The following CFAP54 variants were observed in gnomAD, a reference collection of about 807,000 sequenced individuals.
The protein encoded by CFAP54 is cilia and flagella associated protein 54.
Under a neutral mutation model 370.4 loss-of-function variants are expected in CFAP54, and 290 were observed. The ratio of observed to expected loss-of-function variants is 0.78; its 90% CI spans 0.71 to 0.86. The LOEUF (loss-of-function observed/expected upper bound fraction) is 0.86. Ranked by LOEUF, CFAP54 falls within the 40% of genes least tolerant of loss-of-function variation. CFAP54 has a pLI of 0.00. For missense variants in CFAP54, 3,399 were observed against 3,528.7 expected (o/e 0.96, Z 0.93); for synonymous variants, 1,206 against 1,236.5 (o/e 0.98, Z 0.52).
chr12:96,657,849 T>G, intron 36 of CFAP54, 33 bp from the exon 37 acceptor site: 1 of 1,344,296 alleles, frequency 7.4e-7, no homozygotes, highest in Non-Finnish European at 9.9e-7. Flanking sequence ...AATCTGAAAT[T>G]ACACATTTTT....
intron 23 of CFAP54, among the ~76,000 whole-genome samples, chr12:96,592,012 T>C (rs11830071): frequency 0.015 from 2,208 of 152,144 alleles, 65 homozygotes; most frequent in African/African-American, 0.051. Context: ...CGAACATGAA[T>C]TTGTACTGAA....
intron 66 of CFAP54, among the ~76,000 whole-genome samples, chr12:96,843,866 T>C (rs1276438710): frequency 6.6e-6 from 1 of 152,192 alleles, no homozygotes; most frequent in African/African-American, 2.4e-5. Context: ...CTGGAGTAGC[T>C]GTCAGAATTT....
chr12:96,685,836 G>A (rs1009398320), intron 42 of CFAP54, among the ~76,000 whole-genome samples: 1 of 152,198 alleles, frequency 6.6e-6, no homozygotes, highest in Non-Finnish European at 1.5e-5. Context: ...ACAGGCATGA[G>A]CCACGGCGTC....
chr12:96,529,448 G>T (rs756458134), intron 9 of CFAP54, among the ~76,000 whole-genome samples: 4 of 151,806 alleles, frequency 2.6e-5, no homozygotes, highest in Non-Finnish European at 4.4e-5. Context: ...TTACAAAGTG[G>T]TTTTTTTTAG....
In CFAP54 at chr12:96,524,858, T is replaced by C. The variant is rs184224108; in HGVS notation, c.1159-2388T>C. On this transcript the variant is annotated intron_variant, in intron 8 of 67. Coordinates refer to ENST00000524981, the MANE Select transcript of CFAP54 (RefSeq NM_001306084.2). ...AAGATAATATATCCTATGCAGTATA[T>C]GTGTCATAATTTGTCTAATATTTTA... Among the ~76,000 whole-genome samples, 4 of 152,354 alleles carry C rather than the reference T, an allele frequency of 2.6e-5. No individual in the cohort carries two copies. In the East Asian group the frequency reaches 7.7e-4, roughly 29 times the overall value.
intron 18 of CFAP54, 37 bp downstream of exon 18, chr12:96,564,591 T>A: frequency 1.5e-6 from 1 of 670,158 alleles, no homozygotes; most frequent in Non-Finnish European, 2.7e-6. Context: ...TTCCAAAAAA[T>A]TTGGAAGATA....
chr12:96,527,132 A>T (rs1482984389), intron 8 of CFAP54, 114 bp from the exon 9 acceptor site: 2 of 926,408 alleles, frequency 2.2e-6, no homozygotes, highest in Non-Finnish European at 3.0e-6. Context: ...CCTTGGGTCA[A>T]GCAATCCTCC....
chr12:96,506,152 A>T (rs1955097985), intron 3 of CFAP54, among the ~76,000 whole-genome samples: 2 of 152,100 alleles, frequency 1.3e-5, no homozygotes, highest in Admixed American at 6.5e-5. Context: ...ATCCTGGCTA[A>T]CACGGTGAAA....
At chr12:96,555,617 G>T (rs1221232639) in intron 17 of CFAP54, among the ~76,000 whole-genome samples, 1 of 149,458 alleles carries the variant, frequency 6.7e-6, no homozygotes, top group Non-Finnish European at 1.5e-5. Flanking sequence ...TACAACAGCA[G>T]TTAGCAAATA....
intron 39 of CFAP54, among the ~76,000 whole-genome samples, chr12:96,664,707 A>C (rs377089463): frequency 0.097 from 1,105 of 11,352 alleles, 141 homozygotes; most frequent in Middle Eastern, 0.23. Flanking sequence ...CTATATATAT[A>C]TATATATCTA....
chr12:96,609,928 T>C lies in CFAP54; in HGVS notation c.3639+11161T>C, dbSNP rs548428151. On this transcript the variant is annotated intron_variant, in intron 26 of 67. Coordinates refer to ENST00000524981, the MANE Select transcript of CFAP54 (RefSeq NM_001306084.2). The stretch of plus-strand genomic sequence containing the variant: ...AGGTCACACCAAGTTCCTGAACAGG[T>C]AGACTTATTGTCACAGAAGTGCAGA... Among the ~76,000 whole-genome samples the C allele has an allele frequency of 7.2e-5, 11 of 152,278 alleles. 1 individual carries two copies. The highest frequency in any genetic ancestry group is 2.6e-4 in the African/African-American group (11 of 41,554).
intron 50 of CFAP54, among the ~76,000 whole-genome samples, chr12:96,721,251 G>C (rs1957749557): frequency 1.3e-5 from 2 of 152,100 alleles, no homozygotes; most frequent in South Asian, 4.1e-4. Context: ...TTTTGAAAAA[G>C]TAAGTTTCTG....
At chr12:96,802,262 GC>G (rs1341840632) in intron 63 of CFAP54, among the ~76,000 whole-genome samples, 2 of 152,206 alleles carry the variant, frequency 1.3e-5, no homozygotes, top group Middle Eastern at 3.4e-3. Flanking sequence ...TCTTGCCCAT[GC>G]TGCTTTCCTG....
intron 44 of CFAP54, 34 bp from the exon 45 acceptor site, chr12:96,693,688 T>C (rs761220390): frequency 3.0e-6 from 4 of 1,328,554 alleles, no homozygotes; most frequent in Non-Finnish European, 4.2e-6. Flanking sequence ...TGATAAAATA[T>C]ATTTTGAAAC....
intron 51 of CFAP54, among the ~76,000 whole-genome samples, chr12:96,740,856 C>T (rs775446099): frequency 9.2e-5 from 14 of 152,222 alleles, no homozygotes; most frequent in South Asian, 2.1e-4. Context: ...TGGGTGGAGG[C>T]GGGTGCTACT....
chr12:96,660,840 G>A (rs1295258959), intron 38 of CFAP54, among the ~76,000 whole-genome samples: 1 of 152,104 alleles, frequency 6.6e-6, no homozygotes, highest in Non-Finnish European at 1.5e-5. Context: ...TGACAAATTA[G>A]GGTTCTTATG....
intron 17 of CFAP54, among the ~76,000 whole-genome samples, chr12:96,559,072 T>G (rs954030956): frequency 6.6e-6 from 1 of 151,902 alleles, no homozygotes; most frequent in Non-Finnish European, 1.5e-5. Context: ...AAAAATCAGC[T>G]GAGCGTGGTG....
rs1170163150 is a variant in CFAP54 at position 96,743,875 on chromosome 12, T to G, written c.7522T>G (p.Leu2508Val). The G allele has an allele frequency of 6.2e-7, 1 of 1,613,672 alleles. No homozygotes were observed. The highest frequency in any genetic ancestry group is 2.2e-5 in the East Asian group (1 of 44,866). Residue 2508 changes from leucine to valine, a missense_variant, in exon 54 of 68, where the codon TTG becomes GTG. Leu to Val is a conservative substitution (Grantham distance 32, BLOSUM62 1). Transcript: ENST00000524981. ...SPSSKTGKLN[L>V]LTRAHSILTE... is the part of the protein sequence containing the mutation. ...CTCTTCAAAAACAGGAAAATTAAAT[T>G]TGTTAACTCGGGCTCATAGCATTCT...
At chr12:96,673,434 G>A (rs1957170945) in intron 39 of CFAP54, among the ~76,000 whole-genome samples, 1 of 152,156 alleles carries the variant, frequency 6.6e-6, no homozygotes, top group Non-Finnish European at 1.5e-5. Flanking sequence ...CTGTGATAGT[G>A]TGGTAATTTT....
Sources: gnomAD v4.1 joint callset for allele counts (sites outside exome capture counted in the v4.1 genomes callset) on GRCh38, gnomAD v4.1.1 for gene constraint, MANE v1.5 for transcripts, NCBI Gene and HGNC (gene_info 2026-07-23, HGNC 2026-07-21) for gene names.